Variants in FRK observed in about 807,000 individuals in gnomAD.
FRK encodes the protein tyrosine-protein kinase FRK.
FRK carries 51 observed loss-of-function variants against 56.4 expected under a neutral mutation model. The ratio of observed to expected loss-of-function variants is 0.90; its 90% CI spans 0.72 to 1.14. The LOEUF (loss-of-function observed/expected upper bound fraction) is 1.14. Ranked by LOEUF, FRK falls within the 50% of genes most tolerant of loss-of-function variation. The pLI, the probability that FRK is intolerant of heterozygous loss-of-function variation, is 0.00. For missense variants in FRK, 570 were observed against 601.4 expected (o/e 0.95, Z 0.55); for synonymous variants, 245 against 217.9 (o/e 1.12, Z -1.10).
chr6:115,948,276 A>T lies in FRK; in HGVS notation c.959-3851T>A, dbSNP rs540469067. Among the ~76,000 whole-genome samples the T allele has an allele frequency of 5.3e-4, 81 of 152,272 alleles. 2 individuals carry two copies. In the South Asian group the frequency reaches 0.016, roughly 30 times the overall value. ...CAGTCCAACAGCCCAGGAGGAAGCGACACCTGCCAGGAGTCAAATGAGTGA... is the reference window on the plus strand; with the variant it reads ...CAGTCCAACAGCCCAGGAGGAAGCGTCACCTGCCAGGAGTCAAATGAGTGA... On this transcript the variant is annotated intron_variant, in intron 5 of 7. Transcript: ENST00000606080.
intron 1 of FRK, among the ~76,000 whole-genome samples, chr6:116,018,284 A>ATTCC (rs1775727004): frequency 6.6e-6 from 1 of 152,210 alleles, no homozygotes; most frequent in Admixed American, 6.6e-5. Flanking sequence ...CTGCTCAATT[A>ATTCC]AGGCCCATCT....
At chr6:116,099,144 C>G in the FRK span, among the ~76,000 whole-genome samples, 1 of 152,172 alleles carries the variant, frequency 6.6e-6, no homozygotes. Flanking sequence ...TTTAAGAGTG[C>G]CCTGGTTCCC....
chr6:116,029,799 C>A (rs1776233074), intron 1 of FRK, among the ~76,000 whole-genome samples: 1 of 152,052 alleles, frequency 6.6e-6, no homozygotes, highest in Admixed American at 6.6e-5. Flanking sequence ...ATCAGTCACC[C>A]CTTTTCCATC....
chr6:116,040,907 A>G (rs1411481319), intron 1 of FRK, among the ~76,000 whole-genome samples: 2 of 152,088 alleles, frequency 1.3e-5, no homozygotes, highest in Admixed American at 1.3e-4. Context: ...TTGATAAACT[A>G]GAATATTTTA....
chr6:115,995,444 A>G (rs1448414502), intron 2 of FRK, among the ~76,000 whole-genome samples: 1 of 152,182 alleles, frequency 6.6e-6, no homozygotes, highest in Non-Finnish European at 1.5e-5. Context: ...ATTATAAAGC[A>G]GCATCCAAAG....
At chr6:116,030,126 G>A (rs1776246364) in intron 1 of FRK, among the ~76,000 whole-genome samples, 2 of 152,024 alleles carry the variant, frequency 1.3e-5, no homozygotes. Flanking sequence ...ATCTGAAACA[G>A]GTGTTTTCCT....
chr6:116,081,904 A>C, the FRK span, among the ~76,000 whole-genome samples: 7 of 152,262 alleles, frequency 4.6e-5, no homozygotes, highest in Admixed American at 2.6e-4. Flanking sequence ...TTTACATTAT[A>C]GTGGGAGGGG....
At chr6:116,041,251 T>G (rs1388834747) in intron 1 of FRK, among the ~76,000 whole-genome samples, 3 of 152,248 alleles carry the variant, frequency 2.0e-5, no homozygotes, top group Non-Finnish European at 4.4e-5. Flanking sequence ...GCTTTTTTAT[T>G]GTTTTTATCT....
At chr6:116,001,006 AG>A (rs1440459309) in intron 2 of FRK, among the ~76,000 whole-genome samples, 5 of 152,190 alleles carry the variant, frequency 3.3e-5, no homozygotes, top group Admixed American at 6.5e-5. Context: ...TTAGGAGGCC[AG>A]GGAGGATGGA....
upstream of FRK, among the ~76,000 whole-genome samples, chr6:116,063,831 AT>A (rs891235817): frequency 4.5e-3 from 683 of 151,718 alleles, 6 homozygotes; most frequent in African/African-American, 0.015. Context: ...AGAAGGTAGT[AT>A]TTTTTTTTAA....
chr6:116,061,944 AAAGG>A (rs2114844774), upstream of FRK, among the ~76,000 whole-genome samples: 1 of 151,190 alleles, frequency 6.6e-6, no homozygotes, highest in Non-Finnish European at 1.5e-5. Flanking sequence ...AGGAAGAAAG[AAAGG>A]AAGAAAGAAA....
chr6:115,950,504 A>G (rs990542099), intron 5 of FRK, among the ~76,000 whole-genome samples: 2 of 152,228 alleles, frequency 1.3e-5, no homozygotes, highest in African/African-American at 4.8e-5. Flanking sequence ...GGATCATTAA[A>G]AAGTCAGGAA....
At chr6:115,995,453 A>G (rs1774801619) in intron 2 of FRK, among the ~76,000 whole-genome samples, 1 of 152,158 alleles carries the variant, frequency 6.6e-6, no homozygotes. Flanking sequence ...CAGCATCCAA[A>G]GGGTAATAAT....
At chr6:116,026,698 C>T (rs148166623) in intron 1 of FRK, among the ~76,000 whole-genome samples, 1 of 151,736 alleles carries the variant, frequency 6.6e-6, no homozygotes, top group African/African-American at 2.4e-5. Flanking sequence ...CTTTGGGATC[C>T]AAGTTAGAGA....
chr6:116,097,057 G>T, the FRK span, among the ~76,000 whole-genome samples: 1 of 151,902 alleles, frequency 6.6e-6, no homozygotes, highest in Non-Finnish European at 1.5e-5. Flanking sequence ...TTCTTCTTGT[G>T]GTAAGAACAG....
At chr6:115,974,008 A>C (rs1773908532) in intron 2 of FRK, among the ~76,000 whole-genome samples, 1 of 152,238 alleles carries the variant, frequency 6.6e-6, no homozygotes, top group Non-Finnish European at 1.5e-5. Flanking sequence ...CTTGCTATTT[A>C]CATAAATTCT....
chr6:115,984,411 T>C (rs1300875025), intron 2 of FRK, among the ~76,000 whole-genome samples: 1 of 152,026 alleles, frequency 6.6e-6, no homozygotes, highest in East Asian at 1.9e-4. Context: ...TCAGTCCTGA[T>C]ATGGGAAAGT....
chr6:116,069,287 T>C, the FRK span, among the ~76,000 whole-genome samples: 2 of 152,244 alleles, frequency 1.3e-5, no homozygotes, highest in East Asian at 1.9e-4. Context: ...GATACAAAAT[T>C]TGTGGCTGGG....
chr6:116,093,766 T>C, the FRK span, among the ~76,000 whole-genome samples: 1 of 152,196 alleles, frequency 6.6e-6, no homozygotes, highest in Non-Finnish European at 1.5e-5. Context: ...AAATCCTGCC[T>C]TCCTCAAGTG....
Sources: gnomAD v4.1 joint callset for allele counts (sites outside exome capture counted in the v4.1 genomes callset) on GRCh38, gnomAD v4.1.1 for gene constraint, MANE v1.5 for transcripts, NCBI Gene and HGNC (gene_info 2026-07-23, HGNC 2026-07-21) for gene names.